CSMD1: variants seen among roughly 807,000 people sequenced by gnomAD.
CSMD1 encodes the protein CUB and sushi domain-containing protein 1.
A neutral mutation model predicts 417.5 loss-of-function variants in CSMD1; 213 were observed. That is an observed-to-expected ratio of 0.51 (90% CI 0.46 to 0.57). The LOEUF (loss-of-function observed/expected upper bound fraction) is 0.57. Among genes scored for constraint, CSMD1 ranks in the 20% least tolerant of loss-of-function variants. The pLI, the probability that CSMD1 is intolerant of heterozygous loss-of-function variation, is 0.00. For synonymous variants in CSMD1, 2,862 were observed against 1,736.8 expected (o/e 1.65, Z -16.11); for missense variants, 6,923 against 4,529.7 (o/e 1.53, Z -15.17).
chr8:3,662,990 G>T (rs139083985), intron 7 of CSMD1, among the ~76,000 whole-genome samples: 2 of 152,010 alleles, frequency 1.3e-5, no homozygotes, highest in African/African-American at 2.4e-5. Flanking sequence ...AAGTATCCCA[G>T]AACTTAAAGT....
Position 3,770,611 on chromosome 8 carries a change from G to T in CSMD1, c.819-16569C>A, listed in dbSNP as rs555898346. ...TCGCACATGCAGAACGGCCATAAATGAAGGGAAGAAGGGTCTGAAAGGAAA... is the reference window on the plus strand; with the variant it reads ...TCGCACATGCAGAACGGCCATAAATTAAGGGAAGAAGGGTCTGAAAGGAAA... On this transcript the variant is annotated intron_variant, in intron 5 of 69. Transcript: ENST00000635120. 3.3e-5 allele frequency among the ~76,000 whole-genome samples: 5 copies of T among 152,276 alleles called. No individual in the cohort carries two copies. The South Asian group carries it at 1.0e-3, about 32-fold the overall frequency.
chr8:3,745,476 G>A (rs1407580525), intron 6 of CSMD1, among the ~76,000 whole-genome samples: 1 of 152,220 alleles, frequency 6.6e-6, no homozygotes, highest in African/African-American at 2.4e-5. Flanking sequence ...GAGACAGTCT[G>A]AGGAAACCAG....
At chr8:3,881,191 C>G (rs999554699) in intron 5 of CSMD1, among the ~76,000 whole-genome samples, 2 of 151,712 alleles carry the variant, frequency 1.3e-5, no homozygotes, top group African/African-American at 2.4e-5. Context: ...TGGCAATTCT[C>G]TACAAATGTA....
At chr8:4,327,947 G>A (rs749201294) in intron 3 of CSMD1, among the ~76,000 whole-genome samples, 9 of 152,066 alleles carry the variant, frequency 5.9e-5, no homozygotes, top group Non-Finnish European at 1.3e-4. Context: ...ATTTTCCACT[G>A]TGATCTAGAA....
intron 6 of CSMD1, among the ~76,000 whole-genome samples, chr8:3,717,013 T>C (rs1242042816): frequency 1.3e-5 from 2 of 152,096 alleles, no homozygotes; most frequent in Non-Finnish European, 2.9e-5. Flanking sequence ...ACTTAAAAAA[T>C]AAAGGTCACA....
At chr8:3,563,906 C>G (rs896215647) in intron 10 of CSMD1, among the ~76,000 whole-genome samples, 1 of 152,028 alleles carries the variant, frequency 6.6e-6, no homozygotes, top group Non-Finnish European at 1.5e-5. Flanking sequence ...CAAAAACAGA[C>G]AAACACACCA....
chr8:3,684,099 A>G (rs1325988579), intron 7 of CSMD1, among the ~76,000 whole-genome samples: 1 of 146,030 alleles, frequency 6.8e-6, no homozygotes, highest in Non-Finnish European at 1.5e-5. Context: ...AAATGTATAG[A>G]TATTATATAT....
At chr8:4,678,279 C>T (rs1269253818) in intron 1 of CSMD1, among the ~76,000 whole-genome samples, 1 of 151,968 alleles carries the variant, frequency 6.6e-6, no homozygotes, top group Non-Finnish European at 1.5e-5. Context: ...GGTGTGGTGG[C>T]ACGCACCTGT....
intron 5 of CSMD1, among the ~76,000 whole-genome samples, chr8:3,920,665 G>C (rs1809177588): frequency 6.6e-6 from 1 of 152,012 alleles, no homozygotes; most frequent in Non-Finnish European, 1.5e-5. Context: ...CACATAATTT[G>C]TTGAGAGCTT....
chr8:4,316,527 A>C (rs1218193897), intron 3 of CSMD1, among the ~76,000 whole-genome samples: 1 of 152,168 alleles, frequency 6.6e-6, no homozygotes, highest in Non-Finnish European at 1.5e-5. Context: ...ATTCCATAAT[A>C]GATTTCTGGT....
intron 26 of CSMD1, among the ~76,000 whole-genome samples, chr8:3,235,151 G>T (rs988548336): frequency 6.6e-6 from 1 of 152,162 alleles, no homozygotes; most frequent in African/African-American, 2.4e-5. Flanking sequence ...GATAGTCACT[G>T]TAAATATCGC....
intron 1 of CSMD1, among the ~76,000 whole-genome samples, chr8:4,767,144 A>C (rs1812521732): frequency 6.6e-6 from 1 of 152,202 alleles, no homozygotes; most frequent in Non-Finnish European, 1.5e-5. Context: ...CAGTGGGTTA[A>C]TAACAGTTTG....
chr8:3,827,255 A>G (rs753641400), intron 5 of CSMD1, among the ~76,000 whole-genome samples: 2 of 152,216 alleles, frequency 1.3e-5, no homozygotes, highest in Non-Finnish European at 2.9e-5. Context: ...GCTAAAATAA[A>G]GCACACATAT....
intron 3 of CSMD1, among the ~76,000 whole-genome samples, chr8:4,182,721 C>A (rs982981234): frequency 9.2e-5 from 14 of 151,924 alleles, no homozygotes; most frequent in African/African-American, 2.9e-4. Flanking sequence ...AGAAAAAGAA[C>A]AGCTATATAA....
chr8:3,955,783 C>A (rs1216772516), intron 5 of CSMD1, among the ~76,000 whole-genome samples: 1 of 152,162 alleles, frequency 6.6e-6, no homozygotes, highest in Admixed American at 6.5e-5. Context: ...AATTAATATC[C>A]CTTAGAAATC....
At chr8:3,552,025 T>C (rs75339835) in intron 10 of CSMD1, among the ~76,000 whole-genome samples, 502 of 152,306 alleles carry the variant, frequency 3.3e-3, no homozygotes, top group African/African-American at 0.011. Flanking sequence ...TCATAGCAAA[T>C]GTTTAAAAAA....
intron 5 of CSMD1, among the ~76,000 whole-genome samples, chr8:3,865,834 G>C (rs1230069290): frequency 6.6e-6 from 1 of 151,982 alleles, no homozygotes; most frequent in Non-Finnish European, 1.5e-5. Context: ...TTCTCACATT[G>C]CTCCATTTGA....
At chr8:4,105,847 C>G (rs930467751) in intron 3 of CSMD1, among the ~76,000 whole-genome samples, 3 of 152,216 alleles carry the variant, frequency 2.0e-5, no homozygotes, top group Non-Finnish European at 1.5e-5. Flanking sequence ...CCATGACCCT[C>G]TGAGCTTCCC....
At chr8:4,514,440 G>A (rs985089890) in intron 2 of CSMD1, among the ~76,000 whole-genome samples, 5 of 152,138 alleles carry the variant, frequency 3.3e-5, no homozygotes, top group East Asian at 1.9e-4. Context: ...CACAGGAAAA[G>A]CCTGATATGC....
Sources: gnomAD v4.1 joint callset for allele counts (sites outside exome capture counted in the v4.1 genomes callset) on GRCh38, gnomAD v4.1.1 for gene constraint, MANE v1.5 for transcripts, NCBI Gene and HGNC (gene_info 2026-07-23, HGNC 2026-07-21) for gene names.